The following METAP1D variants were observed in gnomAD, a reference collection of about 807,000 sequenced individuals.
METAP1D encodes the protein methionine aminopeptidase 1D, mitochondrial.
In METAP1D, 31 loss-of-function variants were observed where a neutral mutation model predicts 40.5. The observed-to-expected ratio is 0.77, with a 90% confidence interval of 0.58 to 1.03. METAP1D has a LOEUF of 1.03. Ranked by LOEUF, METAP1D falls within the 50% of genes least tolerant of loss-of-function variation. METAP1D has a pLI of 0.00. For synonymous variants in METAP1D, 151 were observed against 146.4 expected (o/e 1.03, Z -0.22); for missense variants, 411 against 420.7 (o/e 0.98, Z 0.20).
intron 1 of METAP1D, chr2:172,021,699 G>A (rs904361600): frequency 6.6e-6 from 1 of 152,228 alleles, no homozygotes; most frequent in South Asian, 2.1e-4. Flanking sequence ...TGACAGGACA[G>A]GGTCAGGCGT....
chr2:172,067,373 A>C (rs1690308016), intron 5 of METAP1D, among the ~76,000 whole-genome samples: 1 of 152,162 alleles, frequency 6.6e-6, no homozygotes, highest in South Asian at 2.1e-4. Flanking sequence ...AGTTAACTAA[A>C]CCTTTTTTCT....
In METAP1D at chr2:172,016,808, T is replaced by C. The variant is rs146955586; in HGVS notation, c.40+16799T>C. ...CTGGTCTCCAGTCCTTCCACTCCTGTCCACTGGCCTGCCCCTCAGGTGCTG... is the reference window on the plus strand; with the variant it reads ...CTGGTCTCCAGTCCTTCCACTCCTGCCCACTGGCCTGCCCCTCAGGTGCTG... On this transcript the variant is annotated intron_variant, in intron 1 of 9. Coordinates refer to ENST00000315796, the MANE Select transcript of METAP1D (RefSeq NM_199227.3). 1.3e-3 allele frequency among the ~76,000 whole-genome samples: 191 copies of C among 152,170 alleles called. 1 individual carries two copies. The highest frequency in any genetic ancestry group is 4.4e-3 in the African/African-American group (182 of 41,518).
In METAP1D at chr2:172,042,925, G is replaced by A. The variant is rs1279745020; in HGVS notation, c.41-18573G>A. ...TGTGTACATATGTATACATATATGC[G>A]TACATGTGTATACACGTATGCGTAC... On this transcript the variant is annotated intron_variant, in intron 1 of 9. Transcript: ENST00000315796. Among the ~76,000 whole-genome samples the A allele has an allele frequency of 6.3e-5, 8 of 126,918 alleles. 3 individuals are homozygous for A. Among genetic ancestry groups the A allele is most frequent in the South Asian group, 5.0e-4 (2 of 4,016 alleles). The allele number at this position is 126,918 out of a possible 152,430, so 83.3% of individuals were successfully genotyped here.
chr2:172,030,546 A>G (rs7606918), intron 1 of METAP1D, among the ~76,000 whole-genome samples: 24,677 of 152,128 alleles, frequency 0.16, 2,145 homozygotes, highest in African/African-American at 0.22. Context: ...TACCCCATGA[A>G]CCCTATCTTC....
chr2:172,038,316 A>G (rs1220429430), intron 1 of METAP1D, among the ~76,000 whole-genome samples: 3 of 152,200 alleles, frequency 2.0e-5, no homozygotes, highest in Non-Finnish European at 4.4e-5. Context: ...ACTTAGCCAC[A>G]TTGTTTATGT....
At chr2:172,010,223 C>T (rs1176930548) in intron 1 of METAP1D, among the ~76,000 whole-genome samples, 1 of 151,054 alleles carries the variant, frequency 6.6e-6, no homozygotes, top group Non-Finnish European at 1.5e-5. Flanking sequence ...TCACTGCAGC[C>T]TTGACCTCCC....
chr2:172,054,271 CA>C (rs1689949921), intron 1 of METAP1D, among the ~76,000 whole-genome samples: 1 of 152,076 alleles, frequency 6.6e-6, no homozygotes, highest in Non-Finnish European at 1.5e-5. Flanking sequence ...CCTGTAATCC[CA>C]GCACTTTGGG....
chr2:172,045,468 C>G (rs1689715707), intron 1 of METAP1D, among the ~76,000 whole-genome samples: 1 of 131,912 alleles, frequency 7.6e-6, no homozygotes. Flanking sequence ...CAAGACCAGC[C>G]TGACCAACAT....
Position 172,081,602 on chromosome 2 carries a change from G to A in METAP1D, c.*1196G>A, listed in dbSNP as rs539276150. The stretch of plus-strand genomic sequence containing the variant: ...TACCTGTTCCTCACCTGAGCTCAAG[G>A]GCAGGGAGAGGCCGGGCCTCTGGCA... On this transcript the variant is annotated 3_prime_UTR_variant, in exon 10 of 10. Transcript: ENST00000315796. 6.6e-6 allele frequency: 1 copy of A among 152,378 alleles called. No individual in the cohort carries two copies. Among genetic ancestry groups the A allele is most frequent in the African/African-American group, 2.4e-5 (1 of 41,576 alleles). The allele number at this position is 152,378 out of a possible 1,614,324, so 9.4% of individuals were successfully genotyped here.
chr2:172,020,260 C>T (rs1364156357), intron 1 of METAP1D, among the ~76,000 whole-genome samples: 1 of 152,226 alleles, frequency 6.6e-6, no homozygotes, highest in Non-Finnish European at 1.5e-5. Context: ...GCTGGGATTA[C>T]AGGCGTGAGC....
At chr2:172,011,684 A>G (rs1326190091) in intron 1 of METAP1D, among the ~76,000 whole-genome samples, 2 of 152,130 alleles carry the variant, frequency 1.3e-5, no homozygotes, top group Admixed American at 6.5e-5. Flanking sequence ...ATTTAGCATG[A>G]TGTTTTCATG....
At chr2:172,006,832 A>G (rs1688598764) in intron 1 of METAP1D, among the ~76,000 whole-genome samples, 1 of 152,196 alleles carries the variant, frequency 6.6e-6, no homozygotes, top group African/African-American at 2.4e-5. Context: ...CCACAGGTGG[A>G]TTATTTTGAA....
intron 6 of METAP1D, among the ~76,000 whole-genome samples, chr2:172,076,724 A>G (rs1460048296): frequency 6.6e-6 from 1 of 152,276 alleles, no homozygotes; most frequent in East Asian, 1.9e-4. Context: ...GCTGGCTGAA[A>G]GCCTGTGGGT....
chr2:172,041,902 G>A (rs1385852837), intron 1 of METAP1D, among the ~76,000 whole-genome samples: 1 of 117,948 alleles, frequency 8.5e-6, no homozygotes, highest in Non-Finnish European at 2.0e-5. Flanking sequence ...CCACATTCAA[G>A]CAATTCTCCT....
At chr2:172,072,019 C>G (rs1690432042) in intron 6 of METAP1D, among the ~76,000 whole-genome samples, 1 of 152,108 alleles carries the variant, frequency 6.6e-6, no homozygotes, top group Admixed American at 6.6e-5. Flanking sequence ...AGTAAAATCT[C>G]TTTGGGTTAT....
At chr2:172,079,310 C>G (rs183654210) in intron 8 of METAP1D, 48 bp downstream of exon 8, 17 of 1,593,094 alleles carry the variant, frequency 1.1e-5, no homozygotes, top group Non-Finnish European at 1.5e-5. Context: ...CTGGTGGAAG[C>G]TTTTGCCACT....
intron 1 of METAP1D, among the ~76,000 whole-genome samples, chr2:172,042,436 T>TATAC: frequency 3.6e-5 from 2 of 55,382 alleles, no homozygotes; most frequent in Admixed American, 1.8e-4. Context: ...TATATACATA[T>TATAC]GTATGTGTAC....
Position 172,080,356 on chromosome 2 carries a change from A to G in METAP1D, c.958A>G (p.Ile320Val), listed in dbSNP as rs772979366. The change falls in exon 10 of 10, where the codon ATC (isoleucine) becomes GTC (valine). Residue 320 changes from isoleucine (I) to valine (V), a missense_variant. Ile to Val is a conservative substitution (Grantham distance 29, BLOSUM62 3). Coordinates refer to ENST00000315796, the MANE Select transcript of METAP1D (RefSeq NM_199227.3). ...RSAQFEHTVL[I>V]TSRGAQILTK... ...GGCGCAGTTCGAGCACACGGTTCTGATCACGTCGAGGGGCGCGCAGATCCT... is the reference window on the plus strand; with the variant it reads ...GGCGCAGTTCGAGCACACGGTTCTGGTCACGTCGAGGGGCGCGCAGATCCT... 6.2e-7 allele frequency: 1 copy of G among 1,613,996 alleles called. No homozygotes were observed. The highest frequency in any genetic ancestry group is 8.5e-7 in the Non-Finnish European group (1 of 1,179,882).
At chr2:172,024,748 TTG>T (rs61596658) in intron 1 of METAP1D, among the ~76,000 whole-genome samples, 12,391 of 66,456 alleles carry the variant, frequency 0.19, 674 homozygotes, top group Admixed American at 0.35. Flanking sequence ...GACATATAGA[TTG>T]TGTGTGTGTG....
Sources: allele counts gnomAD v4.1 joint callset (sites outside exome capture counted in the v4.1 genomes callset), GRCh38; gene constraint gnomAD v4.1.1; transcripts MANE v1.5; gene names NCBI Gene and HGNC (gene_info 2026-07-23, HGNC 2026-07-21).